Variants in VPS54 observed in about 807,000 individuals in gnomAD.
VPS54 encodes vacuolar protein sorting-associated protein 54.
Under a neutral mutation model 121.5 loss-of-function variants are expected in VPS54, and 45 were observed. The ratio of observed to expected loss-of-function variants is 0.37; its 90% CI spans 0.29 to 0.47. The LOEUF (loss-of-function observed/expected upper bound fraction) is 0.47. VPS54 is among the 20% of genes least tolerant of loss of function. The pLI is 0.99. For missense variants in VPS54, 1,090 were observed against 1,131.4 expected (o/e 0.96, Z 0.52); for synonymous variants, 371 against 385.8 (o/e 0.96, Z 0.45).
rs376464274 is a variant in VPS54 at position 63,951,948 on chromosome 2, T to G, written c.1011-2785A>C. On this transcript the variant is annotated intron_variant, in intron 7 of 22. Coordinates refer to ENST00000272322, the MANE Select transcript of VPS54 (RefSeq NM_016516.3). Reference sequence around the variant, plus strand: ...ATGATTGTTTTCCACAGACAAAATATTGACATTCTAAGTCCTTTCCTTATT... The same window carrying G: ...ATGATTGTTTTCCACAGACAAAATAGTGACATTCTAAGTCCTTTCCTTATT... Among the ~76,000 whole-genome samples, 15 of 152,300 alleles carry G rather than the reference T, an allele frequency of 9.8e-5. No individual in the cohort carries two copies. In the East Asian group the frequency reaches 1.9e-3, roughly 20 times the overall value.
At chr2:63,993,691 T>G (rs1436428869) in intron 1 of VPS54, among the ~76,000 whole-genome samples, 1 of 152,248 alleles carries the variant, frequency 6.6e-6, no homozygotes, top group African/African-American at 2.4e-5. Context: ...TTCACTTGAC[T>G]GATTTTATTG....
At chr2:63,965,031 T>A (rs1559025877) in intron 6 of VPS54, among the ~76,000 whole-genome samples, 1 of 152,208 alleles carries the variant, frequency 6.6e-6, no homozygotes, top group Non-Finnish European at 1.5e-5. Flanking sequence ...TAGTAACATG[T>A]AAAAGACTAG....
chr2:63,976,825 C>CTTTT lies in VPS54; in HGVS notation c.379-4585_379-4582dup, dbSNP rs1174931536. ...TTGATACTAGTAGCTTATATCTTCTCTTTTTTTTTTTTTTTTTTTTTGAGA... is the reference window on the plus strand; with the variant it reads ...TTGATACTAGTAGCTTATATCTTCTCTTTTTTTTTTTTTTTTTTTTTTTTTGAGA... On this transcript the variant is annotated intron_variant, in intron 3 of 22. Coordinates refer to ENST00000272322, the MANE Select transcript of VPS54 (RefSeq NM_016516.3). 3.5e-3 allele frequency among the ~76,000 whole-genome samples: 318 copies of CTTTT among 89,634 alleles called. 5 individuals carry two copies. Among genetic ancestry groups the CTTTT allele is most frequent in the African/African-American group, 6.0e-3 (144 of 24,168 alleles). 58.8% of individuals were successfully genotyped at this position (89,634 alleles called of 152,430 possible). A position where few individuals can be genotyped will look rare whatever the true frequency, so the allele number is the denominator to read the frequency against.
intron 21 of VPS54, among the ~76,000 whole-genome samples, chr2:63,898,875 C>A (rs1177419812): frequency 6.6e-6 from 1 of 151,944 alleles, no homozygotes; most frequent in Non-Finnish European, 1.5e-5. Context: ...AGAGCTGTTA[C>A]TGAGGAGTGA....
intron 15 of VPS54, among the ~76,000 whole-genome samples, chr2:63,918,577 T>TA (rs939260177): frequency 1.3e-5 from 2 of 151,980 alleles, no homozygotes; most frequent in Non-Finnish European, 2.9e-5. Context: ...CCAACACTAT[T>TA]ACCTATTAAA....
Position 64,018,979 on chromosome 2 carries a change from A to G in VPS54, c.-62T>C, listed in dbSNP as rs1678849315. The G allele has an allele frequency of 6.6e-6, 1 of 151,690 alleles. No individual in the cohort carries two copies. The highest frequency in any genetic ancestry group is 2.4e-5 in the African/African-American group (1 of 41,238). The allele number at this position is 151,690 out of a possible 1,614,324, so 9.4% of individuals were successfully genotyped here. A position where few individuals can be genotyped will look rare whatever the true frequency, so the allele number is the denominator to read the frequency against. On this transcript the variant is annotated 5_prime_UTR_variant, in exon 1 of 23. It removes an upstream start codon present in the reference 5' UTR. Transcript: ENST00000272322. ...AGCCGCCCTGAGCGAGGCCTAGTGCATCGCCGCCGCCTCCAGCCCTCCACG... is the reference window on the plus strand; with the variant it reads ...AGCCGCCCTGAGCGAGGCCTAGTGCGTCGCCGCCGCCTCCAGCCCTCCACG...
At chr2:63,918,447 A>T (rs1673484382) in intron 15 of VPS54, among the ~76,000 whole-genome samples, 1 of 148,708 alleles carries the variant, frequency 6.7e-6, no homozygotes, top group South Asian at 2.1e-4. Flanking sequence ...ATGAGTGATA[A>T]GTCTTATAAT....
chr2:63,960,637 A>G (rs1327915293), intron 7 of VPS54, among the ~76,000 whole-genome samples: 1 of 152,204 alleles, frequency 6.6e-6, no homozygotes, highest in Non-Finnish European at 1.5e-5. Context: ...ATCAACACTC[A>G]TGATATTATA....
chr2:63,997,208 C>G (rs71422400), intron 1 of VPS54, among the ~76,000 whole-genome samples: 1 of 152,122 alleles, frequency 6.6e-6, no homozygotes, highest in South Asian at 2.1e-4. Context: ...CAGGGTAATA[C>G]TGCCCTCGTA....
rs912298781 is a variant in VPS54 at position 63,941,472 on chromosome 2, T to G, written c.1398+993A>C. Among the ~76,000 whole-genome samples the G allele has an allele frequency of 2.6e-5, 4 of 152,160 alleles. No homozygotes were observed. In the East Asian group the frequency reaches 7.7e-4, roughly 29 times the overall value. ...AAACTCCTGAGCTCAAGTGATCCTC[T>G]TGCCTTGGCCTCCCAAAGTGATAGG... is the stretch of plus-strand genomic sequence containing the variant. On this transcript the variant is annotated intron_variant, in intron 11 of 22. Transcript: ENST00000272322.
chr2:63,907,775 GCAGA>G (rs970111603), intron 20 of VPS54, among the ~76,000 whole-genome samples: 3 of 151,998 alleles, frequency 2.0e-5, no homozygotes, highest in Non-Finnish European at 2.9e-5. Flanking sequence ...AGAAATCTGA[GCAGA>G]CACTTTACCA....
At chr2:64,005,965 G>C (rs1678123815) in intron 1 of VPS54, among the ~76,000 whole-genome samples, 1 of 152,168 alleles carries the variant, frequency 6.6e-6, no homozygotes, top group African/African-American at 2.4e-5. Flanking sequence ...AGGAAACAAT[G>C]AGACAAATTA....
At chr2:63,974,812 T>A (rs1676449564) in intron 3 of VPS54, among the ~76,000 whole-genome samples, 1 of 152,192 alleles carries the variant, frequency 6.6e-6, no homozygotes, top group South Asian at 2.1e-4. Flanking sequence ...AGTCACTTAT[T>A]AGTTCCAGGA....
Position 63,943,352 on chromosome 2 carries a change from A to C in VPS54, c.1302-791T>G, listed in dbSNP as rs539887328. Among the ~76,000 whole-genome samples the C allele has an allele frequency of 5.9e-5, 9 of 152,322 alleles. No homozygotes were observed. The South Asian group carries it at 1.9e-3, about 32-fold the overall frequency. On this transcript the variant is annotated intron_variant, in intron 10 of 22. Coordinates refer to ENST00000272322, the MANE Select transcript of VPS54 (RefSeq NM_016516.3). ...TTCTAAAAAGATACTACAACACTTG[A>C]TATACAGGAAGTTCTCTACTTCTAT...
chr2:63,914,227 T>G lies in VPS54; in HGVS notation c.2289A>C (p.Pro763=), dbSNP rs1379284501. The G allele has an allele frequency of 6.2e-7, 1 of 1,613,886 alleles. No homozygotes were observed. The highest frequency in any genetic ancestry group is 8.5e-7 in the Non-Finnish European group (1 of 1,179,864). Residue 763 remains proline (P), a synonymous_variant, in exon 17 of 23, where the codon CCA becomes CCC. Transcript: ENST00000272322. ...GAGTAAGCATGTCAGTAGTAACAGA[T>G]GGGATGTTATCCACACACTGGCAAT... ...LEYCQCVDNI[P]SVTTDMLTRL... is the part of the protein sequence containing the mutation.
At chr2:63,975,203 C>A in intron 3 of VPS54, 1 of 557,324 alleles carries the variant, frequency 1.8e-6, no homozygotes, top group Non-Finnish European at 3.1e-6. Context: ...AAAATTATAA[C>A]TGAGACAGTG....
At chr2:63,954,583 G>A (rs1675407225) in intron 7 of VPS54, among the ~76,000 whole-genome samples, 1 of 152,072 alleles carries the variant, frequency 6.6e-6, no homozygotes, top group African/African-American at 2.4e-5. Flanking sequence ...TAGAATTAGA[G>A]TATCATAATT....
intron 20 of VPS54, among the ~76,000 whole-genome samples, chr2:63,909,855 G>A (rs1307165115): frequency 6.6e-6 from 1 of 150,772 alleles, no homozygotes; most frequent in African/African-American, 2.4e-5. Context: ...CTCCCGAGTA[G>A]CTGGGATTAC....
At chr2:63,965,723 A>G in intron 6 of VPS54, 112 bp downstream of exon 6, 1 of 1,459,620 alleles carries the variant, frequency 6.9e-7, no homozygotes, top group South Asian at 1.3e-5. Context: ...ATCAGTAAGA[A>G]CAAAAATGAA....
Sources: allele counts gnomAD v4.1 joint callset (sites outside exome capture counted in the v4.1 genomes callset), GRCh38; gene constraint gnomAD v4.1.1; transcripts MANE v1.5; gene names NCBI Gene and HGNC (gene_info 2026-07-23, HGNC 2026-07-21).